The following TRPC5 variants were observed in gnomAD, a reference collection of about 807,000 sequenced individuals.
TRPC5 encodes short transient receptor potential channel 5.
Under a neutral mutation model 56.5 loss-of-function variants are expected in TRPC5, and 9 were observed. The ratio of observed to expected loss-of-function variants is 0.16; its 90% CI spans 0.10 to 0.28. TRPC5 has a LOEUF of 0.28. Among genes scored for constraint, TRPC5 ranks in the 10% least tolerant of loss-of-function variants. The probability of loss-of-function intolerance (pLI) is 1.00; values close to 1 mark genes in which losing one functional copy is unlikely to be tolerated. For missense variants in TRPC5, 469 were observed against 748.9 expected (o/e 0.63, Z 4.36); for synonymous variants, 282 against 278.5 (o/e 1.01, Z -0.13).
chrX:111,849,585 G>A (rs761535386), intron 5 of TRPC5, among the ~76,000 whole-genome samples: 7 of 112,263 alleles, frequency 6.2e-5, no homozygotes, highest in African/African-American at 2.3e-4. Context: ...CTTAGAGCCT[G>A]GGGGTTCAAT....
chrX:111,855,095 G>C (rs1032861635), intron 3 of TRPC5, among the ~76,000 whole-genome samples: 1 of 112,326 alleles, frequency 8.9e-6, no homozygotes, highest in African/African-American at 3.2e-5. Flanking sequence ...AGGTTAAACA[G>C]AGCTGCACCA....
intron 7 of TRPC5, among the ~76,000 whole-genome samples, chrX:111,834,682 T>A: frequency 8.9e-6 from 1 of 111,841 alleles, no homozygotes; most frequent in Non-Finnish European, 1.9e-5. Flanking sequence ...TTAGAAATAT[T>A]TTCAATAAGT....
intron 2 of TRPC5, among the ~76,000 whole-genome samples, chrX:111,926,944 G>A (rs1158579941): frequency 8.9e-6 from 1 of 112,259 alleles, no homozygotes. Context: ...CAGTATGTGG[G>A]CAGAACACTG....
chrX:111,892,584 AG>A (rs1158657534), intron 3 of TRPC5, among the ~76,000 whole-genome samples: 1 of 111,692 alleles, frequency 9.0e-6, no homozygotes, highest in Non-Finnish European at 1.9e-5. Flanking sequence ...AGTGCTTCAG[AG>A]GAAGTTAGAC....
At chrX:112,063,880 C>A (rs1602419199) in intron 1 of TRPC5, among the ~76,000 whole-genome samples, 1 of 111,916 alleles carries the variant, frequency 8.9e-6, no homozygotes, top group East Asian at 2.8e-4. Context: ...CAACCTCCGC[C>A]TCCCGGGTTC....
At chrX:111,896,787 C>T (rs145077999) in intron 3 of TRPC5, among the ~76,000 whole-genome samples, 6,164 of 111,649 alleles carry the variant, frequency 0.055, 420 homozygotes, top group African/African-American at 0.19. Flanking sequence ...TTTAGAAGTC[C>T]GACCTGGGCT....
At chrX:111,889,089 G>C (rs1282509806) in intron 3 of TRPC5, among the ~76,000 whole-genome samples, 1 of 112,104 alleles carries the variant, frequency 8.9e-6, no homozygotes, top group Non-Finnish European at 1.9e-5. Flanking sequence ...GCCTAAGCTG[G>C]CTAAATAAAT....
At chrX:111,997,190 C>G (rs1395702135) in intron 1 of TRPC5, among the ~76,000 whole-genome samples, 3 of 111,515 alleles carry the variant, frequency 2.7e-5, no homozygotes, top group African/African-American at 9.8e-5. Context: ...GTAAGGCAGG[C>G]CTGGTAGTGA....
At chrX:111,975,672 G>A (rs936164069) in intron 1 of TRPC5, among the ~76,000 whole-genome samples, 8 of 111,379 alleles carry the variant, frequency 7.2e-5, no homozygotes, top group Non-Finnish European at 1.1e-4. Context: ...TGAGGAGGGC[G>A]GATCACGAGG....
At chrX:111,995,872 T>G (rs1338714773) in intron 1 of TRPC5, among the ~76,000 whole-genome samples, 1 of 111,194 alleles carries the variant, frequency 9.0e-6, no homozygotes, top group Non-Finnish European at 1.9e-5. Flanking sequence ...CTCTCTTTTC[T>G]TCTTTATTAG....
chrX:112,016,085 A>T (rs1399781391), intron 1 of TRPC5, among the ~76,000 whole-genome samples: 1 of 112,235 alleles, frequency 8.9e-6, no homozygotes, highest in Non-Finnish European at 1.9e-5. Context: ...TGAATATTGC[A>T]GTTAGCTTTA....
intron 7 of TRPC5, among the ~76,000 whole-genome samples, chrX:111,812,636 G>A (rs1921745196): frequency 9.0e-6 from 1 of 111,624 alleles, no homozygotes; most frequent in Non-Finnish European, 1.9e-5. Flanking sequence ...TGATGGGAAT[G>A]CCACACAGAA....
intron 1 of TRPC5, among the ~76,000 whole-genome samples, chrX:111,984,354 G>T (rs1928157992): frequency 8.9e-6 from 1 of 111,746 alleles, no homozygotes; most frequent in African/African-American, 3.3e-5. Flanking sequence ...CTCAAAACTA[G>T]CAGGTTTACA....
In TRPC5 at chrX:111,776,450, C is replaced by T. The variant is rs765945797; in HGVS notation, c.2785G>A (p.Ala929Thr). ...PLACSSSLHC[A>T]SSICSSNSKL... is the part of the protein sequence containing the mutation. ...GAATTTGAGGAGCAGATGCTGGATG[C>T]ACAGTGAAGAGAGCTGGAACAGGCT... The change falls in exon 11 of 11, where the codon GCA becomes ACA. Residue 929 changes from alanine to threonine, a missense_variant. By Grantham distance (58) the Ala-to-Thr change is moderately conservative. This residue lies in a region of TRPC5 where 194 missense variants were observed against 221.8 expected (regional missense o/e 0.87). Transcript: ENST00000262839. The T allele has an allele frequency of 3.7e-5, 45 of 1,209,442 alleles. No homozygotes were observed. Among genetic ancestry groups the T allele is most frequent in the African/African-American group, 5.3e-5 (3 of 57,140 alleles).
chrX:112,031,497 G>A (rs918887730), intron 1 of TRPC5, among the ~76,000 whole-genome samples: 13 of 111,531 alleles, frequency 1.2e-4, no homozygotes, highest in Non-Finnish European at 1.5e-4. Context: ...TTTGTTTTCA[G>A]TTTGCTGAAG....
intron 5 of TRPC5, among the ~76,000 whole-genome samples, chrX:111,848,102 A>G (rs1422674928): frequency 9.0e-6 from 1 of 111,674 alleles, no homozygotes; most frequent in African/African-American, 3.3e-5. Context: ...GTACTGCCCC[A>G]TACAGTGGTG....
At chrX:111,963,500 A>T (rs1003901684) in intron 1 of TRPC5, among the ~76,000 whole-genome samples, 3 of 112,094 alleles carry the variant, frequency 2.7e-5, no homozygotes, top group Admixed American at 1.9e-4. Context: ...ACGCAGCTGG[A>T]GATCTGAGAA....
chrX:112,060,060 A>G (rs1240577101), intron 1 of TRPC5, among the ~76,000 whole-genome samples: 2 of 112,135 alleles, frequency 1.8e-5, no homozygotes, highest in Admixed American at 1.9e-4. Flanking sequence ...CCAGAGATAG[A>G]AAACTAGGTG....
At chrX:111,912,891 C>T (rs1428124994) in intron 2 of TRPC5, 79 bp from the exon 3 acceptor site, 10 of 1,013,996 alleles carry the variant, frequency 9.9e-6, no homozygotes, top group African/African-American at 3.8e-5. Context: ...AAAATGCTGG[C>T]GATTCAGGAA....
Sources: allele counts gnomAD v4.1 joint callset (sites outside exome capture counted in the v4.1 genomes callset), GRCh38; gene constraint gnomAD v4.1.1; regional missense constraint gnomAD v4.1.1; transcripts MANE v1.5; gene names NCBI Gene and HGNC (gene_info 2026-07-23, HGNC 2026-07-21).